SUSD4: variants seen among roughly 807,000 people sequenced by gnomAD.
SUSD4 encodes the protein sushi domain-containing protein 4.
SUSD4 carries 41 observed loss-of-function variants against 50.5 expected under a neutral mutation model. The observed-to-expected ratio is 0.81, with a 90% CI of 0.63 to 1.05. The LOEUF (loss-of-function observed/expected upper bound fraction) is 1.05, where lower values mean the gene tolerates loss of function less well. Among genes scored for constraint, SUSD4 ranks in the 50% least tolerant of loss-of-function variants. The probability of loss-of-function intolerance (pLI) is 0.00; values close to 1 mark genes in which losing one functional copy is unlikely to be tolerated. For missense variants in SUSD4, 580 were observed against 634.7 expected (o/e 0.91, Z 0.93); for synonymous variants, 257 against 257.3 (o/e 1.00, Z 0.01).
chr1:223,280,078 T>C (rs1272816591), intron 3 of SUSD4, among the ~76,000 whole-genome samples: 1 of 152,084 alleles, frequency 6.6e-6, no homozygotes, highest in Non-Finnish European at 1.5e-5. Flanking sequence ...CAAGAGCTCC[T>C]GAAGGAAGCA....
chr1:223,339,114 A>G (rs956880815), intron 2 of SUSD4, among the ~76,000 whole-genome samples: 1 of 152,210 alleles, frequency 6.6e-6, no homozygotes, highest in African/African-American at 2.4e-5. Context: ...CCTGGCAGTC[A>G]CAGGAGGAGA....
chr1:223,351,526 T>G (rs940790824), intron 2 of SUSD4, among the ~76,000 whole-genome samples: 1 of 151,998 alleles, frequency 6.6e-6, no homozygotes, highest in Non-Finnish European at 1.5e-5. Context: ...TTCCTGGAGC[T>G]GGGGAGGAAG....
At chr1:223,306,781 C>T (rs1328588766) in intron 2 of SUSD4, among the ~76,000 whole-genome samples, 1 of 152,072 alleles carries the variant, frequency 6.6e-6, no homozygotes, top group African/African-American at 2.4e-5. Context: ...GCATAAGCCA[C>T]CAGATAATTT....
At chr1:223,362,949 C>T in intron 2 of SUSD4, among the ~76,000 whole-genome samples, 1 of 141,526 alleles carries the variant, frequency 7.1e-6, no homozygotes. Context: ...CACCCCTCCC[C>T]CCCCCGCCCC....
At chr1:223,345,944 C>T (rs1668008269) in intron 2 of SUSD4, among the ~76,000 whole-genome samples, 1 of 152,186 alleles carries the variant, frequency 6.6e-6, no homozygotes, top group Admixed American at 6.5e-5. Context: ...GGAGCTCCTC[C>T]TCCTGGCTAC....
intron 2 of SUSD4, among the ~76,000 whole-genome samples, chr1:223,352,603 G>A (rs760047961): frequency 6.6e-6 from 1 of 152,128 alleles, no homozygotes; most frequent in Non-Finnish European, 1.5e-5. Flanking sequence ...CTCTGAGGCT[G>A]GACTGCAGAG....
chr1:223,232,793 T>A (rs1571843980), intron 5 of SUSD4, among the ~76,000 whole-genome samples: 2 of 152,174 alleles, frequency 1.3e-5, no homozygotes, highest in Non-Finnish European at 2.9e-5. Context: ...AAACCTCAGC[T>A]CTACCACTGA....
intron 5 of SUSD4, among the ~76,000 whole-genome samples, chr1:223,248,694 T>G (rs1052836862): frequency 1.3e-5 from 2 of 152,214 alleles, no homozygotes; most frequent in Non-Finnish European, 2.9e-5. Context: ...GGTGTTTACC[T>G]ACTCAGAGAT....
chr1:223,297,662 C>A (rs775003528), intron 2 of SUSD4, among the ~76,000 whole-genome samples: 7 of 152,156 alleles, frequency 4.6e-5, no homozygotes, highest in Non-Finnish European at 7.4e-5. Context: ...GAATAGGAGG[C>A]CTCTCTTCTC....
intron 2 of SUSD4, among the ~76,000 whole-genome samples, chr1:223,324,249 T>C (rs566518878): frequency 1.3e-5 from 2 of 150,012 alleles, no homozygotes; most frequent in East Asian, 2.0e-4. Context: ...AGCTAACAGA[T>C]GGCCATGAAG....
In SUSD4 at chr1:223,332,768, G is replaced by C. The variant is rs1667245749; in HGVS notation, c.148+30510C>G. 6.6e-6 allele frequency among the ~76,000 whole-genome samples: 1 copy of C among 152,122 alleles called. No homozygotes were observed. On this transcript the variant is annotated intron_variant, in intron 2 of 8. Coordinates refer to ENST00000366878, the MANE Select transcript of SUSD4 (RefSeq NM_017982.4). This position sits in a 1 kb window ranked among gnomAD's most constrained non-coding sequence, Gnocchi z 4.0. Reference sequence around the variant, plus strand: ...GGGTAAAACTTCCTGCTGAGGCTCGGAGGTCTAAGGTTTGCTCCTTCTCTG... The same window carrying C: ...GGGTAAAACTTCCTGCTGAGGCTCGCAGGTCTAAGGTTTGCTCCTTCTCTG...
At chr1:223,356,492 C>A (rs1668675708) in intron 2 of SUSD4, among the ~76,000 whole-genome samples, 1 of 151,826 alleles carries the variant, frequency 6.6e-6, no homozygotes. Flanking sequence ...CTCGCTGCAG[C>A]CTCAAATTCC....
In SUSD4 at chr1:223,332,956, G is replaced by T. The variant is rs1057123233; in HGVS notation, c.148+30322C>A. ...CCTGATACTCTGCGTGGAAGCTGCC[G>T]CAACTGCACACCACACCCTCCTCTC... On this transcript the variant is annotated intron_variant, in intron 2 of 8. Coordinates refer to ENST00000366878, the MANE Select transcript of SUSD4 (RefSeq NM_017982.4). The surrounding 1 kb of genome is among the most constrained non-coding windows in gnomAD (Gnocchi z 4.0). Among the ~76,000 whole-genome samples, 1 of 152,224 alleles carries T rather than the reference G, an allele frequency of 6.6e-6. No homozygotes were observed. Among genetic ancestry groups the T allele is most frequent in the East Asian group, 1.9e-4 (1 of 5,182 alleles).
At chr1:223,314,694 G>A (rs1666076540) in intron 2 of SUSD4, among the ~76,000 whole-genome samples, 1 of 152,068 alleles carries the variant, frequency 6.6e-6, no homozygotes, top group African/African-American at 2.4e-5. Context: ...GGTTTATAAG[G>A]GGAGTTTCCT....
At chr1:223,310,804 G>GC (rs1472270603) in intron 2 of SUSD4, among the ~76,000 whole-genome samples, 1 of 152,230 alleles carries the variant, frequency 6.6e-6, no homozygotes, top group African/African-American at 2.4e-5. Flanking sequence ...AATGGCCCAT[G>GC]TGGCCCTCTA....
At chr1:223,317,107 C>T (rs765644483) in intron 2 of SUSD4, among the ~76,000 whole-genome samples, 10 of 152,092 alleles carry the variant, frequency 6.6e-5, no homozygotes, top group Non-Finnish European at 1.2e-4. Flanking sequence ...CATTGTAAGC[C>T]ACAGGATGAC....
chr1:223,267,944 GAATA>G (rs1358877060), intron 4 of SUSD4, among the ~76,000 whole-genome samples: 1 of 146,644 alleles, frequency 6.8e-6, no homozygotes, highest in African/African-American at 2.5e-5. Flanking sequence ...AAATGCAAGG[GAATA>G]AATATTCACC....
At chr1:223,284,021 A>G (rs1663951534) in intron 3 of SUSD4, among the ~76,000 whole-genome samples, 1 of 151,624 alleles carries the variant, frequency 6.6e-6, no homozygotes, top group African/African-American at 2.4e-5. Flanking sequence ...CATAGGTGGG[A>G]ACTGAACAAT....
chr1:223,295,843 A>T (rs1374249607), intron 2 of SUSD4, among the ~76,000 whole-genome samples: 1 of 152,014 alleles, frequency 6.6e-6, no homozygotes, highest in African/African-American at 2.4e-5. Flanking sequence ...AAAGTATAAA[A>T]AAAAAAAAAA....
Sources: allele counts gnomAD v4.1 joint callset (sites outside exome capture counted in the v4.1 genomes callset), GRCh38; gene constraint gnomAD v4.1.1; non-coding constraint Gnocchi (gnomAD v3.1); transcripts MANE v1.5; gene names NCBI Gene and HGNC (gene_info 2026-07-23, HGNC 2026-07-21).